HS6ST3: variants seen among roughly 807,000 people sequenced by gnomAD.
HS6ST3 encodes heparan-sulfate 6-O-sulfotransferase 3.
In HS6ST3, 12 loss-of-function variants were observed where a neutral mutation model predicts 36.7. That is an observed-to-expected ratio of 0.33 (90% CI 0.21 to 0.53). The LOEUF (loss-of-function observed/expected upper bound fraction) is 0.53. Among genes scored for constraint, HS6ST3 ranks in the 20% least tolerant of loss-of-function variants. The probability of loss-of-function intolerance (pLI) is 0.95; values close to 1 mark genes in which losing one functional copy is unlikely to be tolerated. For synonymous variants in HS6ST3, 240 were observed against 257.5 expected, an observed-to-expected ratio of 0.93 and a Z score of 0.65; for missense variants, 584 against 640.9, an observed-to-expected ratio of 0.91 and a Z score of 0.96.
At chr13:96,118,262 G>T (rs537149424) in intron 1 of HS6ST3, among the ~76,000 whole-genome samples, 32 of 152,192 alleles carry the variant, frequency 2.1e-4, no homozygotes, top group African/African-American at 7.5e-4. Flanking sequence ...GATATGACTG[G>T]TGTCCTTATA....
chr13:96,598,216 A>C (rs775230058), intron 1 of HS6ST3, among the ~76,000 whole-genome samples: 27 of 152,032 alleles, frequency 1.8e-4, no homozygotes, highest in Non-Finnish European at 3.5e-4. Flanking sequence ...AAAATGATCT[A>C]TCTGGGTATT....
At chr13:96,680,467 G>T (rs1013778390) in intron 1 of HS6ST3, among the ~76,000 whole-genome samples, 3 of 152,138 alleles carry the variant, frequency 2.0e-5, no homozygotes, top group African/African-American at 7.2e-5. Flanking sequence ...AGGCACTCAT[G>T]TACCTGTACC....
intron 1 of HS6ST3, among the ~76,000 whole-genome samples, chr13:96,594,563 G>A (rs193005143): frequency 3.6e-3 from 540 of 152,076 alleles, no homozygotes; most frequent in Middle Eastern, 0.017. Context: ...TGAGAACTTC[G>A]ATCACACTCT....
intron 1 of HS6ST3, among the ~76,000 whole-genome samples, chr13:96,524,847 C>G (rs1350789070): frequency 6.6e-6 from 1 of 152,164 alleles, no homozygotes; most frequent in Non-Finnish European, 1.5e-5. Context: ...TTTGGCTTGC[C>G]CTCTGTGGGC....
At chr13:96,335,318 G>A (rs1828297729) in intron 1 of HS6ST3, among the ~76,000 whole-genome samples, 1 of 152,198 alleles carries the variant, frequency 6.6e-6, no homozygotes, top group African/African-American at 2.4e-5. Context: ...TTTTGACCAA[G>A]GTAGGCATTC....
chr13:96,710,209 A>T (rs755869862), intron 1 of HS6ST3, among the ~76,000 whole-genome samples: 4 of 152,276 alleles, frequency 2.6e-5, no homozygotes, highest in Non-Finnish European at 5.9e-5. Context: ...AAATGGCCAA[A>T]AAAGACAGCC....
At chr13:96,108,193 C>CA (rs1434362037) in intron 1 of HS6ST3, among the ~76,000 whole-genome samples, 2 of 152,124 alleles carry the variant, frequency 1.3e-5, no homozygotes, top group Admixed American at 6.5e-5. Flanking sequence ...GGGGAGGCCT[C>CA]AAAAATGGCT....
At chr13:96,217,608 T>C (rs1453693905) in intron 1 of HS6ST3, among the ~76,000 whole-genome samples, 1 of 152,214 alleles carries the variant, frequency 6.6e-6, no homozygotes, top group African/African-American at 2.4e-5. Flanking sequence ...ATTTTACAAA[T>C]GAATAAACTA....
At chr13:96,678,918 A>G (rs572411639) in intron 1 of HS6ST3, among the ~76,000 whole-genome samples, 18 of 152,148 alleles carry the variant, frequency 1.2e-4, no homozygotes, top group African/African-American at 4.3e-4. Flanking sequence ...GAGAACAAAG[A>G]CAGCAGAATT....
chr13:96,214,503 G>A (rs2054414422), intron 1 of HS6ST3, among the ~76,000 whole-genome samples: 1 of 152,144 alleles, frequency 6.6e-6, no homozygotes, highest in Non-Finnish European at 1.5e-5. Context: ...CTCATTAACT[G>A]TATTAGTCTC....
chr13:96,346,434 C>T (rs1030478691), intron 1 of HS6ST3, among the ~76,000 whole-genome samples: 82 of 151,900 alleles, frequency 5.4e-4, no homozygotes, highest in Non-Finnish European at 3.2e-4. Flanking sequence ...ATTAGCCGGG[C>T]GTGGTGGCAG....
rs5805975 is a variant in HS6ST3, at chr13:96,527,085, CTT to C, written c.708-305395_708-305394del. ...AAATGTAAAATTATATATTGGTTCA[CTT>C]TTTTTTTTTATTGTTTTTTTAGAAA... On this transcript the variant is annotated intron_variant, in intron 1 of 1. Transcript: ENST00000376705. Among the ~76,000 whole-genome samples, 1,379 of 149,886 alleles carry C rather than the reference CTT, an allele frequency of 9.2e-3. 18 individuals carry two copies. The highest frequency in any genetic ancestry group is 0.032 in the African/African-American group (1,304 of 40,822).
At chr13:96,733,676 G>GAAGTT (rs1876214118) in intron 1 of HS6ST3, among the ~76,000 whole-genome samples, 2 of 152,178 alleles carry the variant, frequency 1.3e-5, no homozygotes, top group African/African-American at 4.8e-5. Context: ...AATGAAATGG[G>GAAGTT]TATAATAATA....
intron 1 of HS6ST3, among the ~76,000 whole-genome samples, chr13:96,659,888 G>T (rs2056640463): frequency 6.6e-6 from 1 of 151,924 alleles, no homozygotes; most frequent in Admixed American, 6.6e-5. Context: ...AGTTACAAAA[G>T]ATGTGTTTTG....
At chr13:96,474,361 G>C (rs922439937) in intron 1 of HS6ST3, among the ~76,000 whole-genome samples, 1 of 152,158 alleles carries the variant, frequency 6.6e-6, no homozygotes, top group African/African-American at 2.4e-5. Flanking sequence ...TTAGCTTAGG[G>C]ACTGGCGTGA....
intron 1 of HS6ST3, among the ~76,000 whole-genome samples, chr13:96,799,950 A>ATATATATATATATGTG (rs1878007443): frequency 1.2e-5 from 1 of 85,694 alleles, no homozygotes; most frequent in African/African-American, 6.8e-5. Flanking sequence ...GTGTGTATAT[A>ATATATATATATATGTG]TATATATATA....
intron 1 of HS6ST3, among the ~76,000 whole-genome samples, chr13:96,518,171 C>T (rs1157261786): frequency 6.6e-6 from 1 of 152,112 alleles, no homozygotes; most frequent in Non-Finnish European, 1.5e-5. Flanking sequence ...CCTTGAAATG[C>T]TTCCTTTCCC....
At chr13:96,322,272 C>T (rs1314847978) in intron 1 of HS6ST3, among the ~76,000 whole-genome samples, 1 of 151,656 alleles carries the variant, frequency 6.6e-6, no homozygotes, top group African/African-American at 2.4e-5. Context: ...TGGCTGGATG[C>T]TGTGGCTCGT....
chr13:96,219,075 C>G (rs1233195034), intron 1 of HS6ST3, among the ~76,000 whole-genome samples: 2 of 152,164 alleles, frequency 1.3e-5, no homozygotes, highest in Non-Finnish European at 2.9e-5. Context: ...TGTACATTTT[C>G]CCATTGCTAG....
Sources: allele counts gnomAD v4.1 joint callset (sites outside exome capture counted in the v4.1 genomes callset), GRCh38; gene constraint gnomAD v4.1.1; transcripts MANE v1.5; gene names NCBI Gene and HGNC (gene_info 2026-07-23, HGNC 2026-07-21).